FANCD2: variants seen among roughly 807,000 people sequenced by gnomAD.
The protein encoded by FANCD2 is FA complementation group D2.
In FANCD2, 131 loss-of-function variants were observed where a neutral mutation model predicts 192.3. The ratio of observed to expected loss-of-function variants is 0.68; its 90% CI spans 0.59 to 0.79. The LOEUF (loss-of-function observed/expected upper bound fraction) is 0.79, where lower values mean the gene tolerates loss of function less well. FANCD2 is among the 30% of genes least tolerant of loss of function. The probability of loss-of-function intolerance (pLI) is 0.00; values close to 1 mark genes in which losing one functional copy is unlikely to be tolerated. For synonymous variants in FANCD2, 524 were observed against 612.5 expected, an observed-to-expected ratio of 0.86 and a Z score of 2.13; for missense variants, 1,508 against 1,701.6, an observed-to-expected ratio of 0.89 and a Z score of 2.00.
At chr3:10,100,635 G>A (rs1001771926) in intron 43 of FANCD2, among the ~76,000 whole-genome samples, 1 of 152,152 alleles carries the variant, frequency 6.6e-6, no homozygotes, top group Non-Finnish European at 1.5e-5. Flanking sequence ...GCCTTCCAAA[G>A]TGTTGGGATT....
chr3:10,085,762 A>T (rs1201501088), intron 32 of FANCD2, 50 bp from the exon 33 acceptor site: 2 of 1,155,670 alleles, frequency 1.7e-6, no homozygotes, highest in African/African-American at 3.0e-5. Flanking sequence ...AATACTATCC[A>T]AGTAGTTTTC....
In FANCD2 at chr3:10,071,102, G is replaced by A. The variant is rs4019705; in HGVS notation, c.2495-1769G>A. On this transcript the variant is annotated intron_variant, in intron 26 of 43. Coordinates refer to ENST00000675286, the MANE Select transcript of FANCD2 (RefSeq NM_001018115.3). The stretch of plus-strand genomic sequence containing the variant: ...ATGACCCTGCCAAATCCCCCTCTGC[G>A]AGAAACACCCAAGAATGATCGATAA... 2.8e-3 allele frequency among the ~76,000 whole-genome samples: 352 copies of A among 126,452 alleles called. 1 individual carries two copies. The highest frequency in any genetic ancestry group is 0.01 in the African/African-American group (343 of 33,014). 83.0% of individuals were successfully genotyped at this position (126,452 alleles called of 152,430 possible).
At chr3:10,063,949 G>C (rs1418346850) in intron 21 of FANCD2, 38 bp downstream of exon 21, 23 of 1,613,988 alleles carry the variant, frequency 1.4e-5, no homozygotes, top group Non-Finnish European at 1.9e-5. Flanking sequence ...AATAAAGCAT[G>C]AGAGCTGCTT....
At chr3:10,087,864 G>A (rs962159681) in intron 34 of FANCD2, among the ~76,000 whole-genome samples, 1 of 151,940 alleles carries the variant, frequency 6.6e-6, no homozygotes, top group Non-Finnish European at 1.5e-5. Flanking sequence ...GGTCAGGCTG[G>A]TCTCGAACTC....
chr3:10,061,417 A>G (rs972313664), intron 19 of FANCD2, among the ~76,000 whole-genome samples: 2 of 152,092 alleles, frequency 1.3e-5, no homozygotes, highest in African/African-American at 4.8e-5. Context: ...AGAGTGTGCA[A>G]CTCTAGTTAA....
Position 10,092,206 on chromosome 3 carries a change from G to A in FANCD2, c.3803G>A (p.Trp1268Ter), listed in dbSNP as rs757499508. ...QQIHEEKLLY[W>*]NMAVRDFSIL... Reference sequence around the variant, plus strand: ...ATTCATGAAGAGAAACTCCTCTACTGGAACATGGCTGTTCGAGACTTCAGT... The same window carrying A: ...ATTCATGAAGAGAAACTCCTCTACTAGAACATGGCTGTTCGAGACTTCAGT... The change falls in exon 38 of 44, where the codon TGG becomes TAG. Residue 1268 changes from tryptophan to a stop codon, truncating the protein, a stop_gained. Transcript: ENST00000675286. LOFTEE classifies it high-confidence loss of function. 19 of 1,614,010 alleles carry A rather than the reference G, an allele frequency of 1.2e-5. No homozygotes were observed. The highest frequency in any genetic ancestry group is 1.4e-5 in the Non-Finnish European group (16 of 1,179,896).
At position 10,060,336 on chromosome 3, in the gene FANCD2, G is replaced by A. The variant is rs773483393; in HGVS notation, c.1699G>A (p.Val567Ile). The A allele has an allele frequency of 1.2e-5, 20 of 1,613,092 alleles. No individual in the cohort carries two copies. Among genetic ancestry groups the A allele is most frequent in the African/African-American group, 6.7e-5 (5 of 74,870 alleles). The stretch of plus-strand genomic sequence containing the variant: ...GATAAGAAAGCAGCTCTCTAGCACC[G>A]TATTCAAGTACAAGCTCATTGGGAT... Reference protein sequence around the residue: ...LVIRKQLSSTVFKYKLIGIIG... With the variant: ...LVIRKQLSSTIFKYKLIGIIG... Residue 567 changes from valine (V) to isoleucine (I), a missense_variant, in exon 19 of 44, where the codon GTA becomes ATA. Around this residue, in one of 5 missense-constraint regions of FANCD2, gnomAD observed 110 missense variants for 114.4 expected, o/e 0.96. Coordinates refer to ENST00000675286, the MANE Select transcript of FANCD2 (RefSeq NM_001018115.3).
intron 18 of FANCD2, among the ~76,000 whole-genome samples, chr3:10,055,567 C>G (rs910833966): frequency 1.3e-5 from 2 of 152,108 alleles, no homozygotes; most frequent in Admixed American, 1.3e-4. Flanking sequence ...AATCCCAGCA[C>G]TTTGGGAGGC....
In FANCD2 at chr3:10,040,133, CA is replaced by C. The variant is rs574426948; in HGVS notation, c.695+289del. ...CACTGCAACCTCCGCCTCCTGGGTT[CA>C]CCCCATTCTCCTGCCTCAGCCTCCC... On this transcript the variant is annotated intron_variant, in intron 9 of 43. Transcript: ENST00000675286. 1.2e-3 allele frequency: 490 copies of C among 416,712 alleles called. 2 individuals are homozygous for C. The highest frequency in any genetic ancestry group is 8.4e-3 in the African/African-American group (415 of 49,262). 25.8% of individuals were successfully genotyped at this position (416,712 alleles called of 1,614,324 possible). A position where few individuals can be genotyped will look rare whatever the true frequency, so the allele number is the denominator to read the frequency against.
At chr3:10,046,893 A>C (rs370587913) in intron 15 of FANCD2, among the ~76,000 whole-genome samples, 170 bp downstream of exon 15, 9 of 152,420 alleles carry the variant, frequency 5.9e-5, no homozygotes, top group African/African-American at 1.9e-4. Flanking sequence ...AACTTTGACA[A>C]ACTGGCCTTC....
At chr3:10,070,226 C>G (rs1482514630) in intron 26 of FANCD2, among the ~76,000 whole-genome samples, 1 of 150,392 alleles carries the variant, frequency 6.6e-6, no homozygotes, top group African/African-American at 2.4e-5. Flanking sequence ...CTCTGCCCGG[C>G]AGCCGCCCCA....
rs2276798 is a variant in FANCD2 at position 10,060,658 on chromosome 3, C to G, written c.1766+255C>G. ...TGGCTAGAGGTAAAATTCTAGAAAT[C>G]TTTGCACAAAATGGGAACCCTGATT... On this transcript the variant is annotated intron_variant, in intron 19 of 43. Transcript: ENST00000675286. Among the ~76,000 whole-genome samples the G allele has an allele frequency of 3.4e-4, 52 of 152,298 alleles. No homozygotes were observed. In the East Asian group the frequency reaches 9.4e-3, roughly 28 times the overall value.
At chr3:10,085,737 A>C in intron 32 of FANCD2, 75 bp from the exon 33 acceptor site, 3 of 938,522 alleles carry the variant, frequency 3.2e-6, no homozygotes, top group Non-Finnish European at 5.3e-6. Context: ...TACAGACTGG[A>C]GGCCAGGATC....
Position 10,042,649 on chromosome 3 carries a change from A to G in FANCD2, c.874A>G (p.Met292Val), listed in dbSNP as rs1442711822. 1.9e-6 allele frequency: 3 copies of G among 1,613,406 alleles called. No homozygotes were observed. Among genetic ancestry groups the G allele is most frequent in the Non-Finnish European group, 2.5e-6 (3 of 1,179,456 alleles). Reference sequence around the variant, plus strand: ...GTTCATTCTTCATTCCGTAACAGCCATGGATACACTTGAGGTATGCTCTTA... The same window carrying G: ...GTTCATTCTTCATTCCGTAACAGCCGTGGATACACTTGAGGTATGCTCTTA... ...IKFILHSVTA[M>V]DTLEVISELR... Residue 292 changes from methionine (M) to valine (V), a missense_variant, in exon 11 of 44, where the codon ATG (methionine) becomes GTG (valine). This residue lies in a region of FANCD2 where 435 missense variants were observed against 421.9 expected (regional missense o/e 1.03). Coordinates refer to ENST00000675286, the MANE Select transcript of FANCD2 (RefSeq NM_001018115.3).
chr3:10,085,761 C>T, intron 32 of FANCD2, 51 bp from the exon 33 acceptor site: 1 of 1,146,448 alleles, frequency 8.7e-7, no homozygotes, highest in Non-Finnish European at 1.3e-6. Flanking sequence ...AAATACTATC[C>T]AAGTAGTTTT....
chr3:10,039,217 A>G (rs1314331950), intron 7 of FANCD2, 62 bp from the exon 8 acceptor site: 4 of 1,232,604 alleles, frequency 3.2e-6, no homozygotes, highest in Non-Finnish European at 3.6e-6. Context: ...TGCAGTATTA[A>G]TGCTTGCTGT....
Position 10,039,348 on chromosome 3 carries a change from G to A in FANCD2, c.561G>A (p.Val187=). 6.2e-7 allele frequency: 1 copy of A among 1,612,644 alleles called. No individual in the cohort carries two copies. Among genetic ancestry groups the A allele is most frequent in the Middle Eastern group, 1.7e-4 (1 of 6,056 alleles). ...AACTAAAATGGCTTGACAGAGTTGTGGATGGCAAGGTAGGCTTATGGACTT... is the reference window on the plus strand; with the variant it reads ...AACTAAAATGGCTTGACAGAGTTGTAGATGGCAAGGTAGGCTTATGGACTT... The part of the protein sequence containing the change: ...VSQLKWLDRV[V]DGKDLTTKIM... Residue 187 remains valine (V), a synonymous_variant, in exon 8 of 44, where the codon GTG becomes GTA. Coordinates refer to ENST00000675286, the MANE Select transcript of FANCD2 (RefSeq NM_001018115.3).
intron 43 of FANCD2, 123 bp from the exon 44 acceptor site, chr3:10,101,065 T>TA (rs78434344): frequency 0.023 from 13,778 of 609,598 alleles, no homozygotes; most frequent in East Asian, 0.032. Flanking sequence ...AAGACTCCTT[T>TA]AAAAAAAAAA....
rs1182850609 is a variant in FANCD2 at position 10,042,086 on chromosome 3, C to T, written c.783+376C>T. Among the ~76,000 whole-genome samples the T allele has an allele frequency of 6.6e-5, 10 of 151,966 alleles. No homozygotes were observed. The East Asian group carries it at 1.4e-3, about 21-fold the overall frequency. On this transcript the variant is annotated intron_variant, in intron 10 of 43. Coordinates refer to ENST00000675286, the MANE Select transcript of FANCD2 (RefSeq NM_001018115.3). ...CTAATTTTTGTATTTTTAGTAGAGA[C>T]GGGGTTTCACCATATTGTCCAGGCT...
Sources: gnomAD v4.1 joint callset for allele counts (sites outside exome capture counted in the v4.1 genomes callset) on GRCh38, gnomAD v4.1.1 for gene constraint, gnomAD v4.1.1 regional missense constraint, MANE v1.5 for transcripts, NCBI Gene and HGNC (gene_info 2026-07-23, HGNC 2026-07-21) for gene names.